Variants in FANCB observed in about 807,000 individuals in gnomAD.
FANCB encodes FA complementation group B.
FANCB carries 5 observed loss-of-function variants against 38.9 expected under a neutral mutation model. The ratio of observed to expected loss-of-function variants is 0.13; its 90% CI spans 0.07 to 0.27. FANCB has a LOEUF of 0.27. Ranked by LOEUF, FANCB falls within the 10% of genes least tolerant of loss-of-function variation. The pLI is 1.00. For missense variants in FANCB, 573 were observed against 602.7 expected, an observed-to-expected ratio of 0.95 and a Z score of 0.52; for synonymous variants, 236 against 215.4, an observed-to-expected ratio of 1.10 and a Z score of -0.84.
the FANCB span, among the ~76,000 whole-genome samples, chrX:14,787,573 G>A: frequency 1.8e-5 from 2 of 110,275 alleles, no homozygotes; most frequent in East Asian, 5.7e-4. Context: ...AGTAGGTAAA[G>A]TGTTGGATAT....
At chrX:14,699,000 TTTGA>T in the FANCB span, among the ~76,000 whole-genome samples, 1 of 111,773 alleles carries the variant, frequency 8.9e-6, no homozygotes, top group Admixed American at 9.5e-5. Context: ...GTGTATTTGC[TTTGA>T]TTATCTTTTC....
At chrX:14,831,920 A>C (rs561619443), downstream of FANCB, among the ~76,000 whole-genome samples, 10 of 111,223 alleles carry the variant, frequency 9.0e-5, no homozygotes, top group South Asian at 3.8e-3. Context: ...AGGAAAACTC[A>C]AAAAAAATTA....
the FANCB span, among the ~76,000 whole-genome samples, chrX:14,691,448 C>T: frequency 9.0e-6 from 1 of 111,622 alleles, no homozygotes. Context: ...AGACTGGCCT[C>T]ATTATCTCAA....
At chrX:14,689,586 C>T in the FANCB span, among the ~76,000 whole-genome samples, 1 of 111,602 alleles carries the variant, frequency 9.0e-6, no homozygotes. Context: ...TAATTTCATC[C>T]CTCTTTACCC....
At chrX:14,735,726 G>A in the FANCB span, among the ~76,000 whole-genome samples, 3 of 112,645 alleles carry the variant, frequency 2.7e-5, no homozygotes, top group African/African-American at 9.7e-5. Context: ...GGAACCACTT[G>A]AGGAGGCAGT....
At chrX:14,772,156 G>A in the FANCB span, among the ~76,000 whole-genome samples, 1 of 110,976 alleles carries the variant, frequency 9.0e-6, no homozygotes, top group East Asian at 2.9e-4. Context: ...GGGTTGGGGG[G>A]CCTTCCTTGT....
intron 3 of FANCB, among the ~76,000 whole-genome samples, chrX:14,861,072 G>C (rs2092444604): frequency 2.7e-5 from 3 of 110,648 alleles, no homozygotes; most frequent in African/African-American, 9.9e-5. Flanking sequence ...TTGTACAGAT[G>C]GGGGTCTCAC....
chrX:14,773,848 T>C, the FANCB span, among the ~76,000 whole-genome samples: 1 of 111,172 alleles, frequency 9.0e-6, no homozygotes, highest in Non-Finnish European at 1.9e-5. Context: ...CTCACATCTC[T>C]ACACCCATTG....
At chrX:14,715,377 T>G in the FANCB span, among the ~76,000 whole-genome samples, 1 of 112,451 alleles carries the variant, frequency 8.9e-6, no homozygotes, top group Non-Finnish European at 1.9e-5. Context: ...TTTTTTCATA[T>G]TACCATTCAC....
At chrX:14,775,200 G>A in the FANCB span, among the ~76,000 whole-genome samples, 4 of 60,537 alleles carry the variant, frequency 6.6e-5, no homozygotes, top group Non-Finnish European at 1.2e-4. Context: ...CTTTGGTACC[G>A]TCATTCTGAC....
At chrX:14,720,956 A>AC in the FANCB span, among the ~76,000 whole-genome samples, 1 of 108,393 alleles carries the variant, frequency 9.2e-6, no homozygotes. Flanking sequence ...ATATAGTGAG[A>AC]CCCCCACCTC....
chrX:14,723,022 A>AT, the FANCB span, among the ~76,000 whole-genome samples: 1 of 112,380 alleles, frequency 8.9e-6, no homozygotes, highest in Admixed American at 9.4e-5. Flanking sequence ...CACCTTCAGT[A>AT]TTTTTTGTCT....
downstream of FANCB, among the ~76,000 whole-genome samples, chrX:14,842,218 A>G (rs186188548): frequency 1.4e-3 from 159 of 111,921 alleles, no homozygotes; most frequent in Admixed American, 2.6e-3. Context: ...GTAGAGTTCT[A>G]TCTCAATTTG....
chrX:14,747,005 A>G, the FANCB span, among the ~76,000 whole-genome samples: 2 of 111,618 alleles, frequency 1.8e-5, no homozygotes, highest in Non-Finnish European at 3.8e-5. Context: ...TTACATGTGG[A>G]GAGAGCTCAC....
chrX:14,865,618 A>G, intron 2 of FANCB, 38 bp from the exon 3 acceptor site: 1 of 563,445 alleles, frequency 1.8e-6, no homozygotes, highest in South Asian at 2.7e-5. Flanking sequence ...ATGAAGTAGG[A>G]AGGGTTGAAA....
the FANCB span, among the ~76,000 whole-genome samples, chrX:14,699,628 C>G: frequency 8.9e-6 from 1 of 111,794 alleles, no homozygotes; most frequent in Admixed American, 9.5e-5. Context: ...TTATCATTAA[C>G]GATTTTCACC....
chrX:14,701,919 A>C, the FANCB span, among the ~76,000 whole-genome samples: 1 of 112,120 alleles, frequency 8.9e-6, no homozygotes, highest in African/African-American at 3.2e-5. Context: ...AGGCTCAGAC[A>C]AATATTTCAG....
the FANCB span, among the ~76,000 whole-genome samples, chrX:14,725,648 T>C: frequency 8.9e-6 from 1 of 112,447 alleles, no homozygotes; most frequent in Admixed American, 9.5e-5. Context: ...TCTTTAATTA[T>C]ATTGAAATCA....
chrX:14,719,164 GTTTTA>G, the FANCB span, among the ~76,000 whole-genome samples: 708 of 111,787 alleles, frequency 6.3e-3, 7 homozygotes, highest in African/African-American at 0.021. Context: ...TGTTATTGGT[GTTTTA>G]TTTTATTTTC....
Sources: allele counts gnomAD v4.1 joint callset (sites outside exome capture counted in the v4.1 genomes callset), GRCh38; gene constraint gnomAD v4.1.1; transcripts MANE v1.5; gene names NCBI Gene and HGNC (gene_info 2026-07-23, HGNC 2026-07-21).